Variants in AP3B2 observed in about 807,000 individuals in gnomAD.
AP3B2 encodes AP-3 complex subunit beta-2.
Under a neutral mutation model 126.9 loss-of-function variants are expected in AP3B2, and 50 were observed. That is an observed-to-expected ratio of 0.39 (90% CI 0.31 to 0.50). AP3B2 has a LOEUF of 0.50. Ranked by LOEUF, AP3B2 falls within the 20% of genes least tolerant of loss-of-function variation. The pLI is 0.79. For synonymous variants in AP3B2, 541 were observed against 565.0 expected (o/e 0.96, Z 0.60); for missense variants, 1,177 against 1,426.4 (o/e 0.83, Z 2.82).
At position 82,681,038 on chromosome 15, in the gene AP3B2, C is replaced by T; in HGVS notation, c.589-19G>A. On this transcript the variant is annotated intron_variant, in intron 6 of 26. Transcript: ENST00000535359. This position sits in a 1 kb window ranked among gnomAD's most constrained non-coding sequence, Gnocchi z 4.0. ...CCACCAGCTGGGGAAAGAACAAAGA[C>T]GAGAGGGTGAACGCGAAGGGTGGAA... 6.2e-7 allele frequency: 1 copy of T among 1,613,488 alleles called. No homozygotes were observed. The highest frequency in any genetic ancestry group is 8.5e-7 in the Non-Finnish European group (1 of 1,179,834).
Position 82,688,522 on chromosome 15 carries a change from G to C in AP3B2, c.360+214C>G. 3 of 703,394 alleles carry C rather than the reference G, an allele frequency of 4.3e-6. No individual in the cohort carries two copies. The South Asian group carries it at 4.4e-5, about 10-fold the overall frequency. The allele number at this position is 703,394 out of a possible 1,614,324, so 43.6% of individuals were successfully genotyped here. ...TCCTGGGAAGAGAGACAGGGGCCCTGGGTACCCACTTCATCTCTTACGCCC... is the reference window on the plus strand; with the variant it reads ...TCCTGGGAAGAGAGACAGGGGCCCTCGGTACCCACTTCATCTCTTACGCCC... On this transcript the variant is annotated intron_variant, in intron 4 of 26. Transcript: ENST00000535359.
chr15:82,687,355 T>C (rs1471034233), intron 4 of AP3B2: 1 of 152,236 alleles, frequency 6.6e-6, no homozygotes, highest in East Asian at 1.9e-4. Context: ...AAAATACTAT[T>C]TGGCACTTTG....
chr15:82,695,981 C>T (rs1415399877), intron 1 of AP3B2, among the ~76,000 whole-genome samples: 1 of 152,136 alleles, frequency 6.6e-6, no homozygotes, highest in Non-Finnish European at 1.5e-5. Flanking sequence ...CTCTGGTGAG[C>T]GGTGTGTATG....
chr15:82,670,173 G>A (rs1437925844), intron 14 of AP3B2, among the ~76,000 whole-genome samples: 1 of 140,304 alleles, frequency 7.1e-6, no homozygotes. Context: ...GCAGTGGCGC[G>A]ATCTTGGCTC....
At chr15:82,659,812 C>G in intron 26 of AP3B2, 33 bp downstream of exon 26, 1 of 1,610,732 alleles carries the variant, frequency 6.2e-7, no homozygotes. Flanking sequence ...GGCCCCCATG[C>G]TCATCATTTC....
chr15:82,673,633 C>G (rs1019688176), intron 14 of AP3B2, among the ~76,000 whole-genome samples: 2 of 152,044 alleles, frequency 1.3e-5, no homozygotes, highest in African/African-American at 4.8e-5. Flanking sequence ...GACAAAAGTA[C>G]AACTTCTGAA....
chr15:82,669,513 GA>G (rs2048113236), intron 14 of AP3B2, among the ~76,000 whole-genome samples: 1 of 151,922 alleles, frequency 6.6e-6, no homozygotes, highest in African/African-American at 2.4e-5. Context: ...CCAACATGAT[GA>G]AATCCTGTCT....
intron 1 of AP3B2, among the ~76,000 whole-genome samples, chr15:82,695,012 A>C (rs1015539143): frequency 6.6e-6 from 1 of 152,156 alleles, no homozygotes; most frequent in African/African-American, 2.4e-5. Context: ...GAGAGGAACA[A>C]CTGACATGGA....
intron 25 of AP3B2, among the ~76,000 whole-genome samples, chr15:82,660,969 C>T (rs775256778): frequency 2.2e-4 from 34 of 152,172 alleles, no homozygotes; most frequent in Non-Finnish European, 4.7e-4. Context: ...GACCCTCTCT[C>T]CCTCAGGTTG....
Position 82,665,324 on chromosome 15 carries a change from G to T in AP3B2, c.1972-21C>A. 1 of 1,581,944 alleles carries T rather than the reference G, an allele frequency of 6.3e-7. No homozygotes were observed. The highest frequency in any genetic ancestry group is 8.5e-7 in the Non-Finnish European group (1 of 1,171,208). On this transcript the variant is annotated intron_variant, in intron 16 of 26. Transcript: ENST00000535359. The surrounding 1 kb of genome is among the most constrained non-coding windows in gnomAD (Gnocchi z 4.4). Reference sequence around the variant, plus strand: ...TCTTCCTGTGTGTGTGGGGGAGGGTGTTAGGAGGGCTGGGCCGGCACTGCC... The same window carrying T: ...TCTTCCTGTGTGTGTGGGGGAGGGTTTTAGGAGGGCTGGGCCGGCACTGCC...
Position 82,680,840 on chromosome 15 carries a change from C to G in AP3B2, c.768G>C (p.Gln256His). ...TGCCTGGGCTGGGCCCACTTACGTT[C>G]TGGGTGGGGCTCAGGAACTGCGTGC... ...YARTQFLSPT[Q>H]NESLLEENAE... Residue 256 changes from glutamine to histidine, a missense_variant, in exon 7 of 27, where the codon CAG (glutamine) becomes CAC (histidine). Physicochemically the swap from Gln to His is conservative, Grantham distance 24. This residue lies in a region of AP3B2 where 103 missense variants were observed against 101.4 expected (regional missense o/e 1.02). Coordinates refer to ENST00000535359, the MANE Select transcript of AP3B2 (RefSeq NM_001278512.2). This position sits in a 1 kb window ranked among gnomAD's most constrained non-coding sequence, Gnocchi z 6.1. The G allele has an allele frequency of 1.2e-6, 2 of 1,613,568 alleles. No individual in the cohort carries two copies. The highest frequency in any genetic ancestry group is 1.1e-5 in the South Asian group (1 of 91,050).
chr15:82,666,970 G>T (rs764544371), intron 14 of AP3B2, 37 bp from the exon 15 acceptor site: 3 of 1,585,076 alleles, frequency 1.9e-6, no homozygotes, highest in African/African-American at 1.3e-5. Flanking sequence ...GCTGACGGGG[G>T]GATGGGGACA....
intron 14 of AP3B2, among the ~76,000 whole-genome samples, chr15:82,670,309 C>T (rs1247896045): frequency 1.3e-5 from 2 of 152,050 alleles, no homozygotes; most frequent in African/African-American, 2.4e-5. Flanking sequence ...AGGGTTTCGC[C>T]ATGCTGGCCA....
chr15:82,673,228 AT>A (rs1490682324), intron 14 of AP3B2, among the ~76,000 whole-genome samples: 5 of 152,176 alleles, frequency 3.3e-5, no homozygotes, highest in Non-Finnish European at 7.3e-5. Context: ...ATTTTTATTT[AT>A]TTTTGAGATG....
At chr15:82,666,068 C>CT (rs1448266881) in intron 15 of AP3B2, among the ~76,000 whole-genome samples, 11 of 152,184 alleles carry the variant, frequency 7.2e-5, no homozygotes, top group Non-Finnish European at 1.5e-4. Context: ...CCCTCAGAAT[C>CT]TCCCCATTCG....
chr15:82,679,154 G>A (rs991557726), intron 10 of AP3B2, among the ~76,000 whole-genome samples: 1 of 152,052 alleles, frequency 6.6e-6, no homozygotes, highest in Admixed American at 6.5e-5. Flanking sequence ...ATGGAGTTTC[G>A]CTCTTGTCAC....
At chr15:82,679,935 T>C (rs1596181268) in intron 9 of AP3B2, 135 bp from the exon 10 acceptor site, 3 of 939,168 alleles carry the variant, frequency 3.2e-6, no homozygotes, top group African/African-American at 1.6e-5. Context: ...CCTCAAGTCT[T>C]CCCTCGTCCA....
intron 21 of AP3B2, 108 bp downstream of exon 21, chr15:82,663,452 C>G (rs2047993319): frequency 1.5e-6 from 2 of 1,296,292 alleles, no homozygotes; most frequent in East Asian, 4.7e-5. Flanking sequence ...CTGTCTGCTC[C>G]CCTGCTCCCA....
At chr15:82,663,079 A>AGG (rs1567255173) in intron 22 of AP3B2, 48 bp downstream of exon 22, 1 of 1,532,204 alleles carries the variant, frequency 6.5e-7, no homozygotes, top group Admixed American at 1.9e-5. Context: ...GATGCAGCAC[A>AGG]GGGATGTGTC....
Sources: gnomAD v4.1 joint callset for allele counts (sites outside exome capture counted in the v4.1 genomes callset) on GRCh38, gnomAD v4.1.1 for gene constraint, gnomAD v4.1.1 regional missense constraint, Gnocchi (gnomAD v3.1) non-coding constraint, MANE v1.5 for transcripts, NCBI Gene and HGNC (gene_info 2026-07-23, HGNC 2026-07-21) for gene names.